LSM4: variants seen among roughly 807,000 people sequenced by gnomAD.
The protein encoded by LSM4 is LSM4 homolog, U6 small nuclear RNA and mRNA degradation associated.
LSM4 carries 15 observed loss-of-function variants against 22.3 expected under a neutral mutation model. The observed-to-expected ratio is 0.67, with a 90% confidence interval of 0.45 to 1.03. The LOEUF is 1.03. Ranked by LOEUF, LSM4 falls within the 50% of genes least tolerant of loss-of-function variation. The pLI, the probability that LSM4 is intolerant of heterozygous loss-of-function variation, is 0.00. For synonymous variants in LSM4, 90 were observed against 79.8 expected (o/e 1.13, Z -0.68); for missense variants, 127 against 198.0 (o/e 0.64, Z 2.15).
At position 18,323,044 on chromosome 19, in the gene LSM4, C is replaced by T. The variant is rs1253949422; in HGVS notation, c.-24G>A. ...ATGGTGCCGGCGGGGACCGGGCTCG[C>T]CGGCCACTTCCGCCGCCGCCGCTGC... is the stretch of plus-strand genomic sequence containing the variant. On this transcript the variant is annotated 5_prime_UTR_variant, in exon 1 of 5. Coordinates refer to ENST00000593829, the MANE Select transcript of LSM4 (RefSeq NM_012321.5). 2.0e-6 allele frequency: 3 copies of T among 1,534,644 alleles called. No homozygotes were observed. The highest frequency in any genetic ancestry group is 2.6e-6 in the Non-Finnish European group (3 of 1,149,120).
intron 1 of LSM4, among the ~76,000 whole-genome samples, chr19:18,319,513 G>A (rs1407118813): frequency 6.6e-6 from 1 of 152,160 alleles, no homozygotes; most frequent in African/African-American, 2.4e-5. Flanking sequence ...AGTGAGCTGA[G>A]ATTGTGCCAC....
In LSM4 at chr19:18,309,881, G is replaced by A. The variant is rs372355786; in HGVS notation, c.145-20C>T. Reference sequence around the variant, plus strand: ...CCCGTCCTGCGGAGAAGGGGAGCAGGTTATTAACTTACCACCGGGCCGTCT... The same window carrying A: ...CCCGTCCTGCGGAGAAGGGGAGCAGATTATTAACTTACCACCGGGCCGTCT... On this transcript the variant is annotated intron_variant, in intron 3 of 4. Coordinates refer to ENST00000593829, the MANE Select transcript of LSM4 (RefSeq NM_012321.5). 2.7e-4 allele frequency: 440 copies of A among 1,609,960 alleles called. No individual in the cohort carries two copies. Among genetic ancestry groups the A allele is most frequent in the Non-Finnish European group, 3.5e-4 (412 of 1,178,604 alleles).
rs558900813 is a variant in LSM4, at chr19:18,306,940, C to G, written c.*524G>C. 6.5e-6 allele frequency: 1 copy of G among 152,886 alleles called. No individual in the cohort carries two copies. The highest frequency in any genetic ancestry group is 2.4e-5 in the African/African-American group (1 of 41,586). 9.5% of individuals were successfully genotyped at this position (152,886 alleles called of 1,614,324 possible). On this transcript the variant is annotated 3_prime_UTR_variant, in exon 5 of 5. Coordinates refer to ENST00000593829, the MANE Select transcript of LSM4 (RefSeq NM_012321.5). ...GTGTAGTTTTATTTGTTTTTATTTC[C>G]ATAACACAAGAGAGGAAGCGAAGGG...
At chr19:18,307,589 C>A in intron 4 of LSM4, 34 bp from the exon 5 acceptor site, 1 of 1,436,438 alleles carries the variant, frequency 7.0e-7, no homozygotes, top group Admixed American at 2.6e-5. Context: ...GCAGCAGAGC[C>A]AGGTGGGTGG....
At chr19:18,320,428 CGGG>C (rs1970413491) in intron 1 of LSM4, among the ~76,000 whole-genome samples, 1 of 151,488 alleles carries the variant, frequency 6.6e-6, no homozygotes, top group Non-Finnish European at 1.5e-5. Context: ...GGGAGGATCA[CGGG>C]CCAGTGAGGT....
chr19:18,310,362 T>C (rs1479901225), intron 3 of LSM4: 3 of 166,000 alleles, frequency 1.8e-5, no homozygotes, highest in Non-Finnish European at 3.9e-5. Flanking sequence ...AAGTATCTCC[T>C]GACAGGGCCT....
rs553704378 is a variant in LSM4, at chr19:18,310,185, A to T, written c.145-324T>A. 29 of 357,052 alleles carry T rather than the reference A, an allele frequency of 8.1e-5. No individual in the cohort carries two copies. The Middle Eastern group carries it at 2.9e-3, about 36-fold the overall frequency. 22.1% of individuals were successfully genotyped at this position (357,052 alleles called of 1,614,324 possible). A position where few individuals can be genotyped will look rare whatever the true frequency, so the allele number is the denominator to read the frequency against. On this transcript the variant is annotated intron_variant, in intron 3 of 4. Coordinates refer to ENST00000593829, the MANE Select transcript of LSM4 (RefSeq NM_012321.5). ...TGACTGGGGCTCCCTCCAGCCTGGGATGGGGCTCTCTCTGGTTGGGGTTCT... is the reference window on the plus strand; with the variant it reads ...TGACTGGGGCTCCCTCCAGCCTGGGTTGGGGCTCTCTCTGGTTGGGGTTCT...
chr19:18,322,551 G>C (rs572747797), intron 1 of LSM4, among the ~76,000 whole-genome samples: 7 of 152,222 alleles, frequency 4.6e-5, no homozygotes, highest in Non-Finnish European at 8.8e-5. Flanking sequence ...GGCCTAGGAG[G>C]CTGTGCTGCT....
chr19:18,311,812 G>A (rs1260395697), intron 3 of LSM4, among the ~76,000 whole-genome samples: 3 of 152,164 alleles, frequency 2.0e-5, no homozygotes, highest in African/African-American at 7.2e-5. Flanking sequence ...GGCGGTCAGG[G>A]CAAGATACGG....
chr19:18,317,642 C>T (rs1178938100), intron 1 of LSM4, among the ~76,000 whole-genome samples: 3 of 152,110 alleles, frequency 2.0e-5, no homozygotes, highest in Non-Finnish European at 4.4e-5. Flanking sequence ...CCACCGCACC[C>T]GGCCCTGAAC....
rs148380214 is a variant in LSM4 at position 18,309,691 on chromosome 19, G to C, written c.315C>G (p.Gly105=). 1.4e-4 allele frequency: 222 copies of C among 1,605,870 alleles called. 1 individual carries two copies. The East Asian group carries it at 4.7e-3, about 34-fold the overall frequency. The change falls in exon 4 of 5, where the codon GGC becomes GGG. Residue 105 remains glycine (G), a synonymous_variant. Transcript: ENST00000593829. ...GGGGAGACCCACCTCGGCCAGCGCC[G>C]CCCATGCCGCGGCCTTTCTGCTGCT... ...QQKQQKGRGM[G]GAGRGVFGGR... is the part of the protein sequence containing the mutation.
At chr19:18,309,972 G>A (rs535918050) in intron 3 of LSM4, 111 bp from the exon 4 acceptor site, 47 of 1,007,132 alleles carry the variant, frequency 4.7e-5, no homozygotes, top group Admixed American at 9.9e-5. Context: ...TACCACCCCT[G>A]CAAGCTGCAC....
chr19:18,311,851 C>T (rs992898310), intron 3 of LSM4, among the ~76,000 whole-genome samples: 8 of 152,272 alleles, frequency 5.3e-5, no homozygotes, highest in African/African-American at 1.7e-4. Context: ...CCTCCCCCCT[C>T]GAGCCCTGTT....
In LSM4 at chr19:18,307,570, G is replaced by A; in HGVS notation, c.329-15C>T. ...ACCAAACACACCTAGAGGACAGAGA[G>A]AGGGCGCTGCAGCAGAGCCAGGTGG... On this transcript the variant is annotated splice_polypyrimidine_tract_variant and intron_variant, in intron 4 of 4. Transcript: ENST00000593829. 2.7e-6 allele frequency: 4 copies of A among 1,492,802 alleles called. No homozygotes were observed. Among genetic ancestry groups the A allele is most frequent in the Non-Finnish European group, 3.6e-6 (4 of 1,115,662 alleles). The allele number at this position is 1,492,802 out of a possible 1,614,324, so 92.5% of individuals were successfully genotyped here.
At chr19:18,311,376 G>A (rs763907190) in intron 3 of LSM4, among the ~76,000 whole-genome samples, 9 of 152,128 alleles carry the variant, frequency 5.9e-5, no homozygotes, top group African/African-American at 1.7e-4. Flanking sequence ...CACATGTGAC[G>A]GCAGCATCAC....
chr19:18,307,265 ACAC>A lies in LSM4; in HGVS notation c.*196_*198del. ...GACGGCCGTTTCACAAAACCAAAAA[ACAC>A]CAAGTAACATTTCTAACCGGAGAAT... is the stretch of plus-strand genomic sequence containing the variant. On this transcript the variant is annotated 3_prime_UTR_variant, in exon 5 of 5. Coordinates refer to ENST00000593829, the MANE Select transcript of LSM4 (RefSeq NM_012321.5). 2.3e-6 allele frequency: 1 copy of A among 442,466 alleles called. No homozygotes were observed. Among genetic ancestry groups the A allele is most frequent in the Non-Finnish European group, 3.9e-6 (1 of 253,972 alleles). 27.4% of individuals were successfully genotyped at this position (442,466 alleles called of 1,614,324 possible). A position where few individuals can be genotyped will look rare whatever the true frequency, so the allele number is the denominator to read the frequency against.
At chr19:18,320,463 ACTGCACTC>A in intron 1 of LSM4, among the ~76,000 whole-genome samples, 1 of 151,960 alleles carries the variant, frequency 6.6e-6, no homozygotes, top group Non-Finnish European at 1.5e-5. Flanking sequence ...TGATTGTGCC[ACTGCACTC>A]CAGCCTGGAT....
At chr19:18,319,526 C>T (rs547285821) in intron 1 of LSM4, among the ~76,000 whole-genome samples, 1 of 152,322 alleles carries the variant, frequency 6.6e-6, no homozygotes, top group East Asian at 1.9e-4. Flanking sequence ...TGTGCCACTG[C>T]ACTCCAGCCT....
intron 1 of LSM4, among the ~76,000 whole-genome samples, chr19:18,320,653 T>A (rs1970415612): frequency 6.7e-6 from 1 of 149,346 alleles, no homozygotes; most frequent in Non-Finnish European, 1.5e-5. Context: ...ACAAAAATTA[T>A]CCAGGTGTGG....
Sources: gnomAD v4.1 joint callset for allele counts (sites outside exome capture counted in the v4.1 genomes callset) on GRCh38, gnomAD v4.1.1 for gene constraint, MANE v1.5 for transcripts, NCBI Gene and HGNC (gene_info 2026-07-23, HGNC 2026-07-21) for gene names.